Variants in GUCY1B1 observed in about 807,000 individuals in gnomAD.
GUCY1B1 encodes guanylate cyclase soluble subunit beta-1.
In GUCY1B1, 43 loss-of-function variants were observed where a neutral mutation model predicts 71.0. The ratio of observed to expected loss-of-function variants is 0.61; its 90% CI spans 0.47 to 0.78. The LOEUF is 0.78. Among genes scored for constraint, GUCY1B1 ranks in the 30% least tolerant of loss-of-function variants. The pLI, the probability that GUCY1B1 is intolerant of heterozygous loss-of-function variation, is 0.00. For synonymous variants in GUCY1B1, 266 were observed against 259.7 expected, an observed-to-expected ratio of 1.02 and a Z score of -0.23; for missense variants, 535 against 754.1, an observed-to-expected ratio of 0.71 and a Z score of 3.40.
At chr4:155,804,531 A>T in intron 11 of GUCY1B1, 62 bp from the exon 12 acceptor site, 2 of 1,313,808 alleles carry the variant, frequency 1.5e-6, no homozygotes, top group Non-Finnish European at 1.1e-6. Flanking sequence ...AAGTAAAATA[A>T]AAAAAAAAAA....
intron 2 of GUCY1B1, among the ~76,000 whole-genome samples, chr4:155,762,272 C>T (rs899578621): frequency 6.6e-6 from 1 of 152,116 alleles, no homozygotes; most frequent in Non-Finnish European, 1.5e-5. Context: ...TTAAAGCAGT[C>T]ATTGGTCCAA....
chr4:155,786,910 A>G lies in GUCY1B1; in HGVS notation c.298-2804A>G, dbSNP rs144603156. Among the ~76,000 whole-genome samples, 401 of 152,164 alleles carry G rather than the reference A, an allele frequency of 2.6e-3. 3 individuals are homozygous for G. Among genetic ancestry groups the G allele is most frequent in the Non-Finnish European group, 3.5e-3 (240 of 68,000 alleles). On this transcript the variant is annotated intron_variant, in intron 4 of 13. Transcript: ENST00000264424. The stretch of plus-strand genomic sequence containing the variant: ...AGGTGTGAGAGCACGCCTGGCCTCA[A>G]TTTCTTTTTTAAGTGAGCCAACAAC...
chr4:155,788,180 C>T (rs1015403518), intron 4 of GUCY1B1, among the ~76,000 whole-genome samples: 7 of 152,144 alleles, frequency 4.6e-5, no homozygotes, highest in East Asian at 1.9e-4. Context: ...GCTGGTGGGA[C>T]GGGACTGTGT....
At chr4:155,800,683 AT>A (rs948234968) in intron 9 of GUCY1B1, among the ~76,000 whole-genome samples, 2 of 152,240 alleles carry the variant, frequency 1.3e-5, no homozygotes, top group African/African-American at 4.8e-5. Context: ...GACATGAAAG[AT>A]AATACTTGAT....
intron 9 of GUCY1B1, among the ~76,000 whole-genome samples, chr4:155,800,303 T>C (rs1252202755): frequency 2.0e-5 from 3 of 152,232 alleles, no homozygotes; most frequent in African/African-American, 4.8e-5. Context: ...TGGAATAATA[T>C]AGGCCAAAAT....
Position 155,806,368 on chromosome 4 carries a change from T to C in GUCY1B1, c.1837-18T>C. Reference sequence around the variant, plus strand: ...CTATCACTGTAAATCAATCCCTCTTTTCTTCTGCCTATTTAAGGAAACAAA... The same window carrying C: ...CTATCACTGTAAATCAATCCCTCTTCTCTTCTGCCTATTTAAGGAAACAAA... On this transcript the variant is annotated intron_variant, in intron 13 of 13. Coordinates refer to ENST00000264424, the MANE Select transcript of GUCY1B1 (RefSeq NM_000857.5). The C allele has an allele frequency of 6.4e-7, 1 of 1,571,758 alleles. No homozygotes were observed. Among genetic ancestry groups the C allele is most frequent in the Non-Finnish European group, 8.8e-7 (1 of 1,142,280 alleles).
chr4:155,786,431 G>A (rs1464718737), intron 4 of GUCY1B1, among the ~76,000 whole-genome samples: 2 of 129,254 alleles, frequency 1.5e-5, no homozygotes, highest in African/African-American at 2.9e-5. Context: ...GCCCCACCAC[G>A]CCTGGCTAAT....
At chr4:155,781,416 G>A (rs1289148151) in intron 4 of GUCY1B1, among the ~76,000 whole-genome samples, 1 of 152,116 alleles carries the variant, frequency 6.6e-6, no homozygotes, top group Non-Finnish European at 1.5e-5. Context: ...CCCCTTGAAA[G>A]GCTTTGGTGC....
intron 2 of GUCY1B1, chr4:155,772,456 C>T: frequency 2.7e-6 from 1 of 373,220 alleles, no homozygotes; most frequent in Admixed American, 4.0e-5. Flanking sequence ...GCTCTGTTGC[C>T]CAGGCTGAAA....
In GUCY1B1 at chr4:155,802,476, A is replaced by G. The variant is rs188196277; in HGVS notation, c.1310A>G (p.His437Arg). ...GGCTTCAATGCTTTCTGTAGCAAGC[A>G]TGCATCTGGAGAAGGAGCCATGAAG... Reference protein sequence around the residue: ...IVGFNAFCSKHASGEGAMKIV... With the variant: ...IVGFNAFCSKRASGEGAMKIV... The change falls in exon 10 of 14, where the codon CAT becomes CGT. Residue 437 changes from histidine to arginine, a missense_variant. His to Arg is a conservative substitution (Grantham distance 29). Transcript: ENST00000264424. This position sits in a 1 kb window ranked among gnomAD's most constrained non-coding sequence, Gnocchi z 4.3. The G allele has an allele frequency of 3.1e-6, 5 of 1,613,824 alleles. No homozygotes were observed. The highest frequency in any genetic ancestry group is 4.2e-6 in the Non-Finnish European group (5 of 1,179,782).
chr4:155,786,120 G>C (rs373700742), intron 4 of GUCY1B1, among the ~76,000 whole-genome samples: 231 of 151,832 alleles, frequency 1.5e-3, no homozygotes, highest in African/African-American at 5.3e-3. Context: ...ATCTGCTTGA[G>C]TGAAAGTAGA....
Position 155,797,735 on chromosome 4 carries a change from A to AAAT in GUCY1B1, c.977+1251_977+1253dup, listed in dbSNP as rs148793772. 7.1e-3 allele frequency among the ~76,000 whole-genome samples: 1,034 copies of AAAT among 144,972 alleles called. 6 individuals are homozygous for AAAT. The highest frequency in any genetic ancestry group is 0.014 in the African/African-American group (558 of 39,396). ...GGCAACAGAGCAAGACACTGTCTCA[A>AAAT]AATAATAATAATAATAATAATAATA... On this transcript the variant is annotated intron_variant, in intron 8 of 13. Transcript: ENST00000264424.
At chr4:155,795,263 T>G (rs1739466394) in intron 6 of GUCY1B1, 78 bp from the exon 7 acceptor site, 2 of 685,952 alleles carry the variant, frequency 2.9e-6, no homozygotes, top group Non-Finnish European at 5.1e-6. Context: ...CTGAGCTGAT[T>G]TAATCAAGCG....
intron 9 of GUCY1B1, among the ~76,000 whole-genome samples, chr4:155,801,549 C>G (rs923577336): frequency 4.6e-5 from 7 of 152,126 alleles, no homozygotes; most frequent in Non-Finnish European, 1.0e-4. Flanking sequence ...GAGCTCAGCT[C>G]CATTTTGCAT....
At position 155,795,369 on chromosome 4, in the gene GUCY1B1, C is replaced by CT; in HGVS notation, c.756dup (p.Val253CysfsTer10). The CT allele has an allele frequency of 6.2e-7, 1 of 1,608,398 alleles. No homozygotes were observed. The highest frequency in any genetic ancestry group is 1.7e-5 in the Admixed American group (1 of 59,936). ...CAGCCTGGGAATTGCAGCCTTCTGT[C>CT]TGTCTTCTCGCTGGTTCGTCCTCAT... On this transcript the variant is annotated frameshift_variant, in exon 7 of 14. Transcript: ENST00000264424. LOFTEE classifies it high-confidence loss of function.
In GUCY1B1 at chr4:155,807,602, GTTT is replaced by G. The variant is rs915356784; in HGVS notation, c.*1196_*1198del. 1.3e-5 allele frequency: 2 copies of G among 151,924 alleles called. No individual in the cohort carries two copies. The highest frequency in any genetic ancestry group is 2.9e-5 in the Non-Finnish European group (2 of 67,978). The allele number at this position is 151,924 out of a possible 1,614,324, so 9.4% of individuals were successfully genotyped here. On this transcript the variant is annotated 3_prime_UTR_variant, in exon 14 of 14. Coordinates refer to ENST00000264424, the MANE Select transcript of GUCY1B1 (RefSeq NM_000857.5). ...TATTTTTTTCACGTGTCTCTATACAGTTTTTATTTCAATAAAAATATTAACATT... is the reference window on the plus strand; with the variant it reads ...TATTTTTTTCACGTGTCTCTATACAGTTATTTCAATAAAAATATTAACATT...
chr4:155,802,509 A>G lies in GUCY1B1; in HGVS notation c.1343A>G (p.Asn448Ser), dbSNP rs368872671. The change falls in exon 10 of 14, where the codon AAC becomes AGC. Residue 448 changes from asparagine (N) to serine (S), a missense_variant. By Grantham distance (46) the Asn-to-Ser change is conservative. Transcript: ENST00000264424. This position sits in a 1 kb window ranked among gnomAD's most constrained non-coding sequence, Gnocchi z 4.3. ...GGAGAAGGAGCCATGAAGATCGTCAACCTCCTCAACGACCTCTACACCAGA... is the reference window on the plus strand; with the variant it reads ...GGAGAAGGAGCCATGAAGATCGTCAGCCTCCTCAACGACCTCTACACCAGA... ...ASGEGAMKIV[N>S]LLNDLYTRFD... The G allele has an allele frequency of 1.6e-4, 265 of 1,611,812 alleles. No homozygotes were observed. Among genetic ancestry groups the G allele is most frequent in the Non-Finnish European group, 2.2e-4 (259 of 1,179,102 alleles).
chr4:155,792,556 T>C (rs1218209727), intron 5 of GUCY1B1, among the ~76,000 whole-genome samples: 2 of 151,950 alleles, frequency 1.3e-5, no homozygotes, highest in African/African-American at 4.8e-5. Flanking sequence ...CTACAAAATA[T>C]ATCTAAAAGA....
chr4:155,766,363 A>G (rs1201978787), intron 2 of GUCY1B1, among the ~76,000 whole-genome samples: 1 of 152,188 alleles, frequency 6.6e-6, no homozygotes, highest in Non-Finnish European at 1.5e-5. Context: ...TTTGATGTAC[A>G]TATACATTGT....
Sources: gnomAD v4.1 joint callset for allele counts (sites outside exome capture counted in the v4.1 genomes callset) on GRCh38, gnomAD v4.1.1 for gene constraint, Gnocchi (gnomAD v3.1) non-coding constraint, MANE v1.5 for transcripts, NCBI Gene and HGNC (gene_info 2026-07-23, HGNC 2026-07-21) for gene names.